Variants in STT3B observed in about 807,000 individuals in gnomAD.
STT3B encodes dolichyl-diphosphooligosaccharide--protein glycosyltransferase subunit STT3B.
In STT3B, 29 loss-of-function variants were observed where a neutral mutation model predicts 96.8. That is an observed-to-expected ratio of 0.30 (90% CI 0.22 to 0.41). STT3B has a LOEUF of 0.41. STT3B is among the 10% of genes least tolerant of loss of function. The pLI, the probability that STT3B is intolerant of heterozygous loss-of-function variation, is 1.00. For missense variants in STT3B, 640 were observed against 1,022.3 expected, an observed-to-expected ratio of 0.63 and a Z score of 5.10; for synonymous variants, 367 against 360.0, an observed-to-expected ratio of 1.02 and a Z score of -0.22.
intron 1 of STT3B, among the ~76,000 whole-genome samples, chr3:31,563,557 A>G (rs1252212351): frequency 6.6e-6 from 1 of 152,216 alleles, no homozygotes; most frequent in Non-Finnish European, 1.5e-5. Flanking sequence ...TGGGGCCACT[A>G]CTGTAGATTG....
intron 15 of STT3B, 150 bp downstream of exon 15, chr3:31,633,297 T>C: frequency 1.4e-6 from 1 of 700,904 alleles, no homozygotes; most frequent in Admixed American, 3.0e-5. Flanking sequence ...CAGCCTAGCC[T>C]GCTAGGAGCA....
At chr3:31,544,119 C>T (rs1292825479) in intron 1 of STT3B, among the ~76,000 whole-genome samples, 1 of 152,076 alleles carries the variant, frequency 6.6e-6, no homozygotes, top group Non-Finnish European at 1.5e-5. Flanking sequence ...AATTCATGCA[C>T]ATGATGAATT....
chr3:31,594,135 A>C (rs57529642), intron 3 of STT3B, among the ~76,000 whole-genome samples: 8,205 of 152,252 alleles, frequency 0.054, 757 homozygotes, highest in African/African-American at 0.19. Flanking sequence ...AACTCAATCC[A>C]TATTTTTTCT....
intron 1 of STT3B, among the ~76,000 whole-genome samples, chr3:31,556,189 A>G (rs1697707347): frequency 2.0e-5 from 3 of 152,008 alleles, no homozygotes; most frequent in South Asian, 2.1e-4. Context: ...TTTACTTAAC[A>G]TAATGACTCC....
At chr3:31,616,808 T>G in intron 6 of STT3B, 121 bp from the exon 7 acceptor site, 4 of 762,570 alleles carry the variant, frequency 5.2e-6, no homozygotes, top group Non-Finnish European at 7.9e-6. Flanking sequence ...GTTGGCTAGA[T>G]GAAATAAGTA....
intron 1 of STT3B, among the ~76,000 whole-genome samples, chr3:31,558,783 C>A (rs1210849465): frequency 2.0e-5 from 3 of 151,544 alleles, no homozygotes; most frequent in African/African-American, 7.3e-5. Context: ...GACAGTGAAG[C>A]CATCAATTCC....
chr3:31,535,641 C>G (rs947129069), intron 1 of STT3B, among the ~76,000 whole-genome samples: 80 of 152,080 alleles, frequency 5.3e-4, no homozygotes, highest in African/African-American at 1.8e-3. Context: ...GAGAATCTCT[C>G]GAACCCGGGA....
Position 31,615,137 on chromosome 3 carries a change from T to C in STT3B, c.910T>C (p.Leu304=). The change falls in exon 6 of 16, where the codon TTA becomes CTA. Residue 304 remains leucine, a synonymous_variant. Transcript: ENST00000295770. Reference sequence around the variant, plus strand: ...CACTTTCTACATTGTGGGTTTAATATTATCAATGCAGATACCTTTTGTGGG... The same window carrying C: ...CACTTTCTACATTGTGGGTTTAATACTATCAATGCAGATACCTTTTGTGGG... The part of the protein sequence containing the change: ...YSTFYIVGLI[L]SMQIPFVGFQ... 1 of 1,610,682 alleles carries C rather than the reference T, an allele frequency of 6.2e-7. No individual in the cohort carries two copies. Among genetic ancestry groups the C allele is most frequent in the Non-Finnish European group, 8.5e-7 (1 of 1,177,600 alleles).
chr3:31,564,518 T>A lies in STT3B; in HGVS notation c.315-11878T>A, dbSNP rs536394644. On this transcript the variant is annotated intron_variant, in intron 1 of 15. Coordinates refer to ENST00000295770, the MANE Select transcript of STT3B (RefSeq NM_178862.3). ...ATAGGGAATGACAATAATATACATC[T>A]CAATAAGTTGTCATAAAGATCAAAT... is the stretch of plus-strand genomic sequence containing the variant. Among the ~76,000 whole-genome samples the A allele has an allele frequency of 3.9e-5, 6 of 152,296 alleles. No individual in the cohort carries two copies. The South Asian group carries it at 1.2e-3, about 32-fold the overall frequency.
chr3:31,632,350 A>T (rs547190943), intron 14 of STT3B, among the ~76,000 whole-genome samples: 43 of 152,268 alleles, frequency 2.8e-4, no homozygotes, highest in Admixed American at 8.5e-4. Context: ...TAAGACAAAG[A>T]CATGTTTACA....
At chr3:31,547,224 A>G (rs1190618482) in intron 1 of STT3B, among the ~76,000 whole-genome samples, 2 of 152,106 alleles carry the variant, frequency 1.3e-5, no homozygotes, top group African/African-American at 4.8e-5. Context: ...TTTTTCCCTA[A>G]ATTATTCGTT....
chr3:31,559,248 G>A (rs1419332214), intron 1 of STT3B, among the ~76,000 whole-genome samples: 5 of 149,058 alleles, frequency 3.4e-5, no homozygotes, highest in African/African-American at 7.4e-5. Flanking sequence ...CTGATTTGGG[G>A]TTTGGTTTGT....
At chr3:31,613,118 C>T (rs765307008) in intron 5 of STT3B, among the ~76,000 whole-genome samples, 18 of 151,976 alleles carry the variant, frequency 1.2e-4, no homozygotes, top group Non-Finnish European at 2.2e-4. Flanking sequence ...AATGAAAATT[C>T]TTTAGGACTA....
At chr3:31,584,674 T>A (rs1318844867) in intron 3 of STT3B, among the ~76,000 whole-genome samples, 2 of 152,142 alleles carry the variant, frequency 1.3e-5, no homozygotes, top group Non-Finnish European at 2.9e-5. Flanking sequence ...GGTTATCTAG[T>A]GAGTTTTTCC....
intron 3 of STT3B, among the ~76,000 whole-genome samples, chr3:31,590,029 C>T (rs374370937): frequency 4.6e-5 from 7 of 151,978 alleles, no homozygotes; most frequent in East Asian, 3.9e-4. Flanking sequence ...TTAATGACAT[C>T]GTATTATTCA....
At chr3:31,582,990 G>A (rs1046985255) in intron 3 of STT3B, among the ~76,000 whole-genome samples, 2 of 152,144 alleles carry the variant, frequency 1.3e-5, no homozygotes, top group Non-Finnish European at 2.9e-5. Flanking sequence ...TGTCCCATGT[G>A]TACTTGAGAA....
At chr3:31,548,904 A>C (rs1407757639) in intron 1 of STT3B, among the ~76,000 whole-genome samples, 3 of 152,224 alleles carry the variant, frequency 2.0e-5, no homozygotes, top group Non-Finnish European at 1.5e-5. Flanking sequence ...TTGGGAAAAA[A>C]ACTGCTTACT....
At chr3:31,626,643 T>C (rs1396794118) in intron 13 of STT3B, among the ~76,000 whole-genome samples, 2 of 152,162 alleles carry the variant, frequency 1.3e-5, no homozygotes, top group Non-Finnish European at 2.9e-5. Context: ...TTTTAGCAAG[T>C]CAACATAATA....
rs57924710 is a variant in STT3B, at chr3:31,618,287, T to TTACCTAACA, written c.1172+301_1172+302insCCTAACATA. Among the ~76,000 whole-genome samples, 139,514 of 151,666 alleles carry TTACCTAACA rather than the reference T, an allele frequency of 0.92. 64,338 individuals are homozygous for TTACCTAACA. Among genetic ancestry groups the TTACCTAACA allele is most frequent in the East Asian group, 0.96 (4,948 of 5,156 alleles). On this transcript the variant is annotated intron_variant, in intron 8 of 15. Coordinates refer to ENST00000295770, the MANE Select transcript of STT3B (RefSeq NM_178862.3). Reference sequence around the variant, plus strand: ...TGCAATTTAAAGATTGATTTGTCTTTTATAACATTTTCATCTTTAGTAATA... The same window carrying TTACCTAACA: ...TGCAATTTAAAGATTGATTTGTCTTTTACCTAACATATAACATTTTCATCTTTAGTAATA...
Sources: gnomAD v4.1 joint callset for allele counts (sites outside exome capture counted in the v4.1 genomes callset) on GRCh38, gnomAD v4.1.1 for gene constraint, MANE v1.5 for transcripts, NCBI Gene and HGNC (gene_info 2026-07-23, HGNC 2026-07-21) for gene names.